The following MDH1B variants were observed in gnomAD, a reference collection of about 807,000 sequenced individuals.
MDH1B encodes the protein putative malate dehydrogenase 1B.
MDH1B carries 60 observed loss-of-function variants against 61.4 expected under a neutral mutation model. The observed-to-expected ratio is 0.98, with a 90% CI of 0.79 to 1.21. MDH1B has a LOEUF of 1.21. Among genes scored for constraint, MDH1B ranks in the 50% most tolerant of loss-of-function variants. The pLI is 0.00. For missense variants in MDH1B, 587 were observed against 632.1 expected, an observed-to-expected ratio of 0.93 and a Z score of 0.76; for synonymous variants, 236 against 218.7, an observed-to-expected ratio of 1.08 and a Z score of -0.70.
rs745332488 is a variant in MDH1B at position 206,757,299 on chromosome 2, A to G, written c.208T>C (p.Leu70=). 6.2e-7 allele frequency: 1 copy of G among 1,613,982 alleles called. No homozygotes were observed. Among genetic ancestry groups the G allele is most frequent in the East Asian group, 2.2e-5 (1 of 44,862 alleles). The change falls in exon 3 of 12, where the codon TTG becomes CTG. Residue 70 remains leucine, a synonymous_variant. Transcript: ENST00000374412. ...AGCAAACCCTTTCCTCCACGATCCA[A>G]CAGCTCTCTCCAGATGATAGGGGAA... ...KNSPIIWREL[L]DRGGKGLLLG...
At chr2:206,756,758 T>C (rs769472505) in intron 4 of MDH1B, 140 bp downstream of exon 4, 1 of 748,348 alleles carries the variant, frequency 1.3e-6, no homozygotes. Context: ...TATGTATATG[T>C]GTATACATAT....
intron 9 of MDH1B, among the ~76,000 whole-genome samples, chr2:206,741,750 A>G (rs972404322): frequency 6.6e-6 from 1 of 152,156 alleles, no homozygotes; most frequent in Non-Finnish European, 1.5e-5. Context: ...AACCTTGACT[A>G]TACAGATTTT....
rs1417209575 is a variant in MDH1B at position 206,749,034 on chromosome 2, C to T, written c.1202G>A (p.Gly401Glu). The T allele has an allele frequency of 1.9e-6, 3 of 1,613,372 alleles. No individual in the cohort carries two copies. Among genetic ancestry groups the T allele is most frequent in the South Asian group, 2.2e-5 (2 of 90,888 alleles). The change falls in exon 7 of 12, where the codon GGA becomes GAA. Residue 401 changes from glycine to glutamate, a missense_variant. Transcript: ENST00000374412. The part of the protein sequence containing the change: ...GSPPGEIVSL[G>E]ILSEGQFGIP... ...CCCAGATTTACCTTCACTCAATATT[C>T]CTAAAGATACAATCTCCCCAGGTGG...
chr2:206,751,890 T>C (rs920399460), intron 5 of MDH1B, among the ~76,000 whole-genome samples: 2 of 152,232 alleles, frequency 1.3e-5, no homozygotes, highest in African/African-American at 4.8e-5. Context: ...GCCTAAAAAC[T>C]TAATCACTTT....
rs1328520327 is a variant in MDH1B at position 206,755,371 on chromosome 2, TCCA to T, written c.545_547del (p.Val182del). ...GACGGGAGATGCCAGGTCTTGGGTC[TCCA>T]CCACAAGGCTTTTGAGATGTTCTTC... On this transcript the variant is annotated inframe_deletion, in exon 5 of 12. Coordinates refer to ENST00000374412, the MANE Select transcript of MDH1B (RefSeq NM_001039845.3). 6.2e-7 allele frequency: 1 copy of T among 1,614,212 alleles called. No individual in the cohort carries two copies.
In MDH1B at chr2:206,746,372, T is replaced by C; in HGVS notation, c.1271A>G (p.Asn424Ser). 1.9e-6 allele frequency: 3 copies of C among 1,614,008 alleles called. No homozygotes were observed. In the South Asian group the frequency reaches 3.3e-5, roughly 18 times the overall value. The stretch of plus-strand genomic sequence containing the variant: ...ATCTGTAAGAACCACCCAAGTTCCA[T>C]TCTCAAATTTCACAGGCATAGAAAA... ...IVFSMPVKFE[N>S]GTWVVLTDLK... The change falls in exon 8 of 12, where the codon AAT (asparagine) becomes AGT (serine). Residue 424 changes from asparagine (N) to serine (S), a missense_variant. By Grantham distance (46) the Asn-to-Ser change is conservative. Transcript: ENST00000374412.
rs779726212 is a variant in MDH1B, at chr2:206,755,230, C to T, written c.689G>A (p.Arg230Gln). The T allele has an allele frequency of 8.1e-6, 13 of 1,614,058 alleles. No homozygotes were observed. The highest frequency in any genetic ancestry group is 3.3e-5 in the South Asian group (3 of 91,086). The stretch of plus-strand genomic sequence containing the variant: ...GAGCCTGCAGAGAGGCACCCTGCTT[C>T]GGAGGCAGTCCTCCAGAGTGAACAC... The part of the protein sequence containing the change: ...KEVFTLEDCL[R>Q]SRVPLCRLYG... The change falls in exon 5 of 12, where the codon CGA becomes CAA. Residue 230 changes from arginine (R) to glutamine (Q), a missense_variant. Coordinates refer to ENST00000374412, the MANE Select transcript of MDH1B (RefSeq NM_001039845.3).
intron 4 of MDH1B, among the ~76,000 whole-genome samples, chr2:206,755,888 A>AAT (rs1688731371): frequency 6.6e-6 from 1 of 151,114 alleles, no homozygotes; most frequent in Non-Finnish European, 1.5e-5. Flanking sequence ...TTTTTTAAAA[A>AAT]ATACAACCTC....
chr2:206,740,036 T>C (rs1256891839), intron 10 of MDH1B, among the ~76,000 whole-genome samples: 1 of 152,216 alleles, frequency 6.6e-6, no homozygotes, highest in Non-Finnish European at 1.5e-5. Flanking sequence ...CAGACTAAAT[T>C]ATTATTTTTT....
chr2:206,739,923 T>A (rs1687713560), intron 10 of MDH1B, among the ~76,000 whole-genome samples: 1 of 152,216 alleles, frequency 6.6e-6, no homozygotes, highest in African/African-American at 2.4e-5. Flanking sequence ...AACATCCCTA[T>A]GAAGCCTCCT....
intron 6 of MDH1B, among the ~76,000 whole-genome samples, chr2:206,749,530 A>C (rs567260935): frequency 2.0e-5 from 3 of 152,332 alleles, no homozygotes; most frequent in African/African-American, 7.2e-5. Context: ...CCTACATATT[A>C]AACAAAATAA....
chr2:206,741,214 C>T lies in MDH1B; in HGVS notation c.1409-110G>A. The T allele has an allele frequency of 2.1e-6, 3 of 1,429,686 alleles. No individual in the cohort carries two copies. The South Asian group carries it at 3.8e-5, about 18-fold the overall frequency. The allele number at this position is 1,429,686 out of a possible 1,614,324, so 88.6% of individuals were successfully genotyped here. ...TTTTCAAACTTCAGTGACTATGACCCACAATAAAAGACACATTTTACATTA... is the reference window on the plus strand; with the variant it reads ...TTTTCAAACTTCAGTGACTATGACCTACAATAAAAGACACATTTTACATTA... On this transcript the variant is annotated intron_variant, in intron 9 of 11. Transcript: ENST00000374412.
intron 2 of MDH1B, among the ~76,000 whole-genome samples, chr2:206,758,473 A>G (rs1183353120): frequency 6.6e-6 from 1 of 152,128 alleles, no homozygotes; most frequent in Non-Finnish European, 1.5e-5. Flanking sequence ...AATGGATCAA[A>G]AGACTAGTGA....
At chr2:206,763,449 C>A (rs1689223320) in intron 1 of MDH1B, among the ~76,000 whole-genome samples, 1 of 152,166 alleles carries the variant, frequency 6.6e-6, no homozygotes. Flanking sequence ...TCACAATCAA[C>A]TCCCTCCTGG....
chr2:206,764,212 C>T lies in MDH1B; in HGVS notation c.22+1038G>A, dbSNP rs142567318. ...ACTTGGGAGGCTGAGGTGGGAGGATCGCTTGAGCCCAGGAGGTCAAAGCTG... is the reference window on the plus strand; with the variant it reads ...ACTTGGGAGGCTGAGGTGGGAGGATTGCTTGAGCCCAGGAGGTCAAAGCTG... On this transcript the variant is annotated intron_variant, in intron 1 of 11. Transcript: ENST00000374412. 9.9e-3 allele frequency among the ~76,000 whole-genome samples: 1,506 copies of T among 151,708 alleles called. 27 individuals carry two copies. The highest frequency in any genetic ancestry group is 0.033 in the African/African-American group (1,377 of 41,340).
chr2:206,761,035 A>T, intron 1 of MDH1B, 22 bp from the exon 2 acceptor site: 1 of 1,307,378 alleles, frequency 7.6e-7, no homozygotes, highest in Non-Finnish European at 1.1e-6. Flanking sequence ...CAAATTAGCA[A>T]TGTTTTCTTT....
intron 1 of MDH1B, among the ~76,000 whole-genome samples, chr2:206,761,839 C>A (rs1035247011): frequency 2.0e-5 from 3 of 152,126 alleles, no homozygotes; most frequent in African/African-American, 7.2e-5. Context: ...AAGTTACCAA[C>A]CTGTCTGAAG....
intron 5 of MDH1B, among the ~76,000 whole-genome samples, chr2:206,752,873 G>A (rs541146299): frequency 1.3e-5 from 2 of 150,410 alleles, no homozygotes; most frequent in East Asian, 3.9e-4. Context: ...CCTATCTGTC[G>A]GGTGGGACTG....
intron 4 of MDH1B, 25 bp from the exon 5 acceptor site, chr2:206,755,530 G>A (rs370873402): frequency 1.9e-6 from 3 of 1,593,342 alleles, no homozygotes; most frequent in South Asian, 1.2e-5. Flanking sequence ...AAGCCGCATT[G>A]TGAATAGTTA....
Sources: gnomAD v4.1 joint callset for allele counts (sites outside exome capture counted in the v4.1 genomes callset) on GRCh38, gnomAD v4.1.1 for gene constraint, MANE v1.5 for transcripts, NCBI Gene and HGNC (gene_info 2026-07-23, HGNC 2026-07-21) for gene names.